The following PPFIA2 variants were observed in gnomAD, a reference collection of about 807,000 sequenced individuals.
The protein encoded by PPFIA2 is PPFI scaffold protein A2.
In PPFIA2, 46 loss-of-function variants were observed where a neutral mutation model predicts 175.5. The ratio of observed to expected loss-of-function variants is 0.26; its 90% confidence interval spans 0.21 to 0.34. The LOEUF (loss-of-function observed/expected upper bound fraction) is 0.34, where lower values mean the gene tolerates loss of function less well. Among genes scored for constraint, PPFIA2 ranks in the 10% least tolerant of loss-of-function variants. PPFIA2 has a pLI of 1.00. For synonymous variants in PPFIA2, 568 were observed against 511.4 expected, an observed-to-expected ratio of 1.11 and a Z score of -1.49; for missense variants, 1,179 against 1,506.1, an observed-to-expected ratio of 0.78 and a Z score of 3.60.
intron 22 of PPFIA2, among the ~76,000 whole-genome samples, chr12:81,321,897 T>C (rs2053737324): frequency 6.6e-6 from 1 of 152,192 alleles, no homozygotes; most frequent in Admixed American, 6.5e-5. Context: ...CCATACAGTG[T>C]AATTGTAGCT....
At chr12:81,465,495 C>A (rs2055443005) in intron 4 of PPFIA2, among the ~76,000 whole-genome samples, 1 of 152,152 alleles carries the variant, frequency 6.6e-6, no homozygotes, top group Non-Finnish European at 1.5e-5. Context: ...TTAACTGCTT[C>A]AAAATGCTTT....
intron 4 of PPFIA2, among the ~76,000 whole-genome samples, chr12:81,574,364 A>G (rs965535308): frequency 1.1e-4 from 16 of 151,908 alleles, no homozygotes; most frequent in South Asian, 1.0e-3. Context: ...ATGAAACATT[A>G]TTGACATTCT....
intron 3 of PPFIA2, among the ~76,000 whole-genome samples, chr12:81,680,091 T>A (rs1446619679): frequency 6.6e-6 from 1 of 151,948 alleles, no homozygotes; most frequent in African/African-American, 2.4e-5. Context: ...GTATAAACAT[T>A]GACTTCCTAG....
At chr12:81,425,597 G>A (rs1180608384) in intron 7 of PPFIA2, among the ~76,000 whole-genome samples, 1 of 152,094 alleles carries the variant, frequency 6.6e-6, no homozygotes, top group Admixed American at 6.6e-5. Flanking sequence ...CAAAGGTCTC[G>A]AAATCCTGAC....
intron 22 of PPFIA2, among the ~76,000 whole-genome samples, chr12:81,303,519 A>G (rs2048387575): frequency 6.6e-6 from 1 of 152,204 alleles, no homozygotes. Flanking sequence ...CAACTTCTGA[A>G]TCATTGTGCA....
intron 4 of PPFIA2, among the ~76,000 whole-genome samples, chr12:81,642,964 C>A: frequency 1.6e-5 from 1 of 61,024 alleles, no homozygotes. Flanking sequence ...AATATACACA[C>A]ATATATAAAT....
At chr12:81,536,285 T>C (rs2065357898) in intron 4 of PPFIA2, among the ~76,000 whole-genome samples, 1 of 151,724 alleles carries the variant, frequency 6.6e-6, no homozygotes, top group African/African-American at 2.4e-5. Flanking sequence ...TCTGGCTCAG[T>C]ATAATTTCCA....
rs531825330 is a variant in PPFIA2 at position 81,299,180 on chromosome 12, C to T, written c.2724+121G>A. ...TTATTCCCTAGTAAGCAAATAGTCCCTTATGAGCAATTCCAGACTAAGGGG... is the reference window on the plus strand; with the variant it reads ...TTATTCCCTAGTAAGCAAATAGTCCTTTATGAGCAATTCCAGACTAAGGGG... On this transcript the variant is annotated intron_variant, in intron 23 of 32. Transcript: ENST00000549396. The T allele has an allele frequency of 4.3e-4, 566 of 1,330,258 alleles. 2 individuals are homozygous for T. In the African/African-American group the frequency reaches 7.2e-3, roughly 17 times the overall value. 82.4% of individuals were successfully genotyped at this position (1,330,258 alleles called of 1,614,324 possible). A position where few individuals can be genotyped will look rare whatever the true frequency, so the allele number is the denominator to read the frequency against.
At chr12:81,477,290 G>A (rs2057598576) in intron 4 of PPFIA2, among the ~76,000 whole-genome samples, 1 of 151,980 alleles carries the variant, frequency 6.6e-6, no homozygotes, top group South Asian at 2.1e-4. Context: ...GAGAAAAGGA[G>A]GAGAGAGAGC....
Position 81,384,057 on chromosome 12 carries a change from T to A in PPFIA2, c.950A>T (p.Glu317Val), listed in dbSNP as rs777624180. ...GTCCCTTTGATACTTGGTGTTCATTTCTTCTGTTTTAATGAGATCCTTTCT... is the reference window on the plus strand; with the variant it reads ...GTCCCTTTGATACTTGGTGTTCATTACTTCTGTTTTAATGAGATCCTTTCT... ...TARKDLIKTE[E>V]MNTKYQRDIR... Residue 317 changes from glutamate to valine, a missense_variant, in exon 9 of 33, where the codon GAA becomes GTA. By Grantham distance (121) the Glu-to-Val change is moderately radical. Transcript: ENST00000549396. The A allele has an allele frequency of 6.2e-7, 1 of 1,612,898 alleles. No homozygotes were observed. The highest frequency in any genetic ancestry group is 8.5e-7 in the Non-Finnish European group (1 of 1,179,258).
chr12:81,270,291 G>A (rs1443111006), intron 28 of PPFIA2, among the ~76,000 whole-genome samples: 2 of 151,906 alleles, frequency 1.3e-5, no homozygotes, highest in African/African-American at 4.8e-5. Context: ...TCTCATTTTT[G>A]TTCTTGTTTT....
intron 4 of PPFIA2, among the ~76,000 whole-genome samples, chr12:81,635,715 G>A (rs1012929061): frequency 6.6e-6 from 1 of 152,132 alleles, no homozygotes; most frequent in Non-Finnish European, 1.5e-5. Flanking sequence ...GTATGTATTA[G>A]TTTGAGCTCC....
intron 11 of PPFIA2, chr12:81,369,468 C>T (rs974000490): frequency 8.0e-7 from 1 of 1,255,926 alleles, no homozygotes; most frequent in African/African-American, 1.5e-5. Context: ...GGTTTGAACA[C>T]AAACCTGCCA....
intron 9 of PPFIA2, among the ~76,000 whole-genome samples, chr12:81,378,916 T>C (rs1595822472): frequency 6.6e-6 from 1 of 152,084 alleles, no homozygotes; most frequent in Non-Finnish European, 1.5e-5. Flanking sequence ...ATGTAGCACA[T>C]AGCATTGTTG....
At chr12:81,260,955 T>G (rs2035279912) in intron 32 of PPFIA2, 2 of 152,236 alleles carry the variant, frequency 1.3e-5, no homozygotes, top group African/African-American at 2.4e-5. Flanking sequence ...GTTTTACTAT[T>G]AAGACTGTTT....
chr12:81,308,119 CAATTT>C (rs1278990897), intron 22 of PPFIA2, among the ~76,000 whole-genome samples: 1 of 152,124 alleles, frequency 6.6e-6, no homozygotes, highest in Non-Finnish European at 1.5e-5. Context: ...AATTGCATTA[CAATTT>C]AATACAGTAA....
intron 4 of PPFIA2, among the ~76,000 whole-genome samples, chr12:81,540,011 T>A (rs1173975439): frequency 6.6e-6 from 1 of 151,932 alleles, no homozygotes; most frequent in Non-Finnish European, 1.5e-5. Flanking sequence ...GAAGAGGGGT[T>A]TGTTTATCTG....
chr12:81,743,001 G>T (rs1454554686), intron 3 of PPFIA2, among the ~76,000 whole-genome samples: 1 of 152,138 alleles, frequency 6.6e-6, no homozygotes, highest in Non-Finnish European at 1.5e-5. Context: ...AGATGAAGTT[G>T]ATCTAAATTC....
At chr12:81,305,456 T>C (rs1052290609) in intron 22 of PPFIA2, among the ~76,000 whole-genome samples, 2 of 152,172 alleles carry the variant, frequency 1.3e-5, no homozygotes, top group African/African-American at 4.8e-5. Context: ...AAGAATGGCC[T>C]TTAAGGTCAT....
Sources: gnomAD v4.1 joint callset for allele counts (sites outside exome capture counted in the v4.1 genomes callset) on GRCh38, gnomAD v4.1.1 for gene constraint, MANE v1.5 for transcripts, NCBI Gene and HGNC (gene_info 2026-07-23, HGNC 2026-07-21) for gene names.